CHD3: variants seen among roughly 807,000 people sequenced by gnomAD.
CHD3 encodes the protein chromodomain helicase DNA binding protein 3.
Under a neutral mutation model 248.9 loss-of-function variants are expected in CHD3, and 52 were observed. The observed-to-expected ratio is 0.21, with a 90% confidence interval of 0.17 to 0.26. The LOEUF is 0.26. CHD3 is among the 10% of genes least tolerant of loss of function. The probability of loss-of-function intolerance (pLI) is 1.00; values close to 1 mark genes in which losing one functional copy is unlikely to be tolerated. For synonymous variants in CHD3, 985 were observed against 985.2 expected (o/e 1.00, Z 0.00); for missense variants, 1,482 against 2,605.8 (o/e 0.57, Z 9.39).
chr17:7,896,375 T>C (rs1169790422), intron 10 of CHD3, among the ~76,000 whole-genome samples: 1 of 151,930 alleles, frequency 6.6e-6, no homozygotes, highest in African/African-American at 2.4e-5. Flanking sequence ...TTGACTCATT[T>C]ATCTCTAATC....
chr17:7,905,826 T>C lies in CHD3; in HGVS notation c.4225-30T>C, dbSNP rs1970858720. ...AAGACCTAAGAACCCTAGACATTTG[T>C]CGCCATTGCCTCCTTGCTCCCACCC... On this transcript the variant is annotated intron_variant, in intron 27 of 39. Coordinates refer to ENST00000330494, the MANE Select transcript of CHD3 (RefSeq NM_001005273.3). This position sits in a 1 kb window ranked among gnomAD's most constrained non-coding sequence, Gnocchi z 5.8. 6.2e-7 allele frequency: 1 copy of C among 1,614,050 alleles called. No individual in the cohort carries two copies. Among genetic ancestry groups the C allele is most frequent in the African/African-American group, 1.3e-5 (1 of 74,926 alleles).
chr17:7,904,625 G>A lies in CHD3; in HGVS notation c.4072+6G>A. ...TGCTGCTCAGGAAGACCAAGGTGAG[G>A]ACTGCCCCAGATGCAGGCAGTAAAG... On this transcript the variant is annotated splice_donor_region_variant and intron_variant, in intron 25 of 39. Coordinates refer to ENST00000330494, the MANE Select transcript of CHD3 (RefSeq NM_001005273.3). The surrounding 1 kb of genome is among the most constrained non-coding windows in gnomAD (Gnocchi z 4.4). 2 of 1,611,116 alleles carry A rather than the reference G, an allele frequency of 1.2e-6. No individual in the cohort carries two copies. The highest frequency in any genetic ancestry group is 1.7e-6 in the Non-Finnish European group (2 of 1,177,672).
chr17:7,906,526 C>T lies in CHD3; in HGVS notation c.4359-27C>T. The T allele has an allele frequency of 3.7e-6, 6 of 1,613,062 alleles. No individual in the cohort carries two copies. Among genetic ancestry groups the T allele is most frequent in the Non-Finnish European group, 5.1e-6 (6 of 1,179,746 alleles). On this transcript the variant is annotated intron_variant, in intron 28 of 39. Coordinates refer to ENST00000330494, the MANE Select transcript of CHD3 (RefSeq NM_001005273.3). This position sits in a 1 kb window ranked among gnomAD's most constrained non-coding sequence, Gnocchi z 5.0. ...TATACCCCTTCTGTGGCTCCCCTAA[C>T]CCTCCTCCCACTCCCATGCTCCTTA...
At position 7,909,550 on chromosome 17, in the gene CHD3, T is replaced by C; in HGVS notation, c.5590+212T>C. ...CAACCCTCATCCATGTCTGATAGCA[T>C]TCACATCCGTGCCCAATAGAGGGAC... On this transcript the variant is annotated intron_variant, in intron 37 of 39. Transcript: ENST00000330494. The surrounding 1 kb of genome is among the most constrained non-coding windows in gnomAD (Gnocchi z 8.1). 1 of 670,386 alleles carries C rather than the reference T, an allele frequency of 1.5e-6. No individual in the cohort carries two copies. The highest frequency in any genetic ancestry group is 2.4e-6 in the Non-Finnish European group (1 of 416,206). The allele number at this position is 670,386 out of a possible 1,614,324, so 41.5% of individuals were successfully genotyped here.
Position 7,911,471 on chromosome 17 carries a change from C to T in CHD3, c.5889C>T (p.Thr1963=). Residue 1963 remains threonine (T), a synonymous_variant, in exon 40 of 40, where the codon ACC becomes ACT. Transcript: ENST00000330494. This position sits in a 1 kb window ranked among gnomAD's most constrained non-coding sequence, Gnocchi z 5.4. ...TACCCCTTTCCCAAACAGCCGCCACCAACGGCCCTCCAGTGCTTGTGAAGA... is the reference window on the plus strand; with the variant it reads ...TACCCCTTTCCCAAACAGCCGCCACTAACGGCCCTCCAGTGCTTGTGAAGA... ...MPAGSFITAA[T]NGPPVLVKKE... 6.2e-7 allele frequency: 1 copy of T among 1,614,168 alleles called. No individual in the cohort carries two copies. Among genetic ancestry groups the T allele is most frequent in the Non-Finnish European group, 8.5e-7 (1 of 1,180,016 alleles).
chr17:7,885,307 C>CCCGCCGCCCCCCTCCCCCG (rs1967669801), upstream of CHD3: 1 of 157,218 alleles, frequency 6.4e-6, no homozygotes, highest in Admixed American at 7.6e-5. Context: ...GCACCCCTCC[C>CCCGCCGCCCCCCTCCCCCG]CCGCCGCCGC....
Position 7,906,499 on chromosome 17 carries a change from C to T in CHD3, c.4359-54C>T, listed in dbSNP as rs1422844446. ...GTCATCCTCGCGCCTCCCTCACTGC[C>T]CTATACCCCTTCTGTGGCTCCCCTA... On this transcript the variant is annotated intron_variant, in intron 28 of 39. Transcript: ENST00000330494. The surrounding 1 kb of genome is among the most constrained non-coding windows in gnomAD (Gnocchi z 5.0). 1.9e-6 allele frequency: 3 copies of T among 1,601,354 alleles called. No individual in the cohort carries two copies. Among genetic ancestry groups the T allele is most frequent in the Non-Finnish European group, 1.7e-6 (2 of 1,171,228 alleles).
chr17:7,907,059 G>C lies in CHD3; in HGVS notation c.4666+28G>C. On this transcript the variant is annotated intron_variant, in intron 30 of 39. Transcript: ENST00000330494. The surrounding 1 kb of genome is among the most constrained non-coding windows in gnomAD (Gnocchi z 4.3). ...AATCAGAAGTCAGGATGGTGGGAGA[G>C]ACAGAAAGGGAGCCAGGAGTCAGGG... 1 of 1,613,900 alleles carries C rather than the reference G, an allele frequency of 6.2e-7. No individual in the cohort carries two copies. Among genetic ancestry groups the C allele is most frequent in the South Asian group, 1.1e-5 (1 of 91,078 alleles).
At position 7,906,316 on chromosome 17, in the gene CHD3, G is replaced by A. The variant is rs1228661455; in HGVS notation, c.4359-237G>A. The A allele has an allele frequency of 3.0e-6, 2 of 676,994 alleles. No individual in the cohort carries two copies. Among genetic ancestry groups the A allele is most frequent in the Non-Finnish European group, 5.3e-6 (2 of 378,236 alleles). 41.9% of individuals were successfully genotyped at this position (676,994 alleles called of 1,614,324 possible). A position where few individuals can be genotyped will look rare whatever the true frequency, so the allele number is the denominator to read the frequency against. On this transcript the variant is annotated intron_variant, in intron 28 of 39. Transcript: ENST00000330494. This position sits in a 1 kb window ranked among gnomAD's most constrained non-coding sequence, Gnocchi z 5.0. ...TGGTGGAAAGGATGAAGAGCTGACT[G>A]ATGGGGCCCAGGAATTAAGTACCAA...
chr17:7,901,236 C>A lies in CHD3; in HGVS notation c.3121-8C>A, dbSNP rs375618387. On this transcript the variant is annotated splice_polypyrimidine_tract_variant and splice_region_variant and intron_variant, in intron 19 of 39. Transcript: ENST00000330494. The stretch of plus-strand genomic sequence containing the variant: ...ACCCCCTCCTCCTCCTCTCTCCTCC[C>A]TTTTCAGGAGTCCCCCAAACTCCCC... 8.2e-6 allele frequency: 13 copies of A among 1,593,320 alleles called. No individual in the cohort carries two copies. The highest frequency in any genetic ancestry group is 1.1e-5 in the Non-Finnish European group (13 of 1,168,018).
At chr17:7,892,290 G>C (rs1968983583) in intron 4 of CHD3, among the ~76,000 whole-genome samples, 1 of 152,178 alleles carries the variant, frequency 6.6e-6, no homozygotes, top group African/African-American at 2.4e-5. Flanking sequence ...TCCTACGGAA[G>C]CCCATCTTCA....
chr17:7,907,389 C>T lies in CHD3; in HGVS notation c.4825C>T (p.Arg1609Trp), dbSNP rs774463931. The T allele has an allele frequency of 9.3e-6, 15 of 1,607,840 alleles. No homozygotes were observed. Among genetic ancestry groups the T allele is most frequent in the Admixed American group, 6.7e-5 (4 of 59,434 alleles). Residue 1609 changes from arginine (R) to tryptophan (W), a missense_variant, in exon 32 of 40, where the codon CGG (arginine) becomes TGG (tryptophan). Arg to Trp is a moderately radical substitution (Grantham distance 101). Transcript: ENST00000330494. The surrounding 1 kb of genome is among the most constrained non-coding windows in gnomAD (Gnocchi z 4.3). Reference protein sequence around the residue: ...APSPAPSLGERLEPRKIPLED... With the variant: ...APSPAPSLGEWLEPRKIPLED... The stretch of plus-strand genomic sequence containing the variant: ...CAGCCCAGCCCCATCACTTGGGGAG[C>T]GGCTGGAGCCAAGGAAGATTCCTCT...
Position 7,901,331 on chromosome 17 carries a change from C to G in CHD3, c.3208C>G (p.Arg1070Gly), listed in dbSNP as rs1567857732. ...GKLMLLQKML[R>G]KLKEQGHRVL... The stretch of plus-strand genomic sequence containing the variant: ...GCTCATGCTGCTCCAGAAGATGCTG[C>G]GAAAGCTGAAGGAGCAAGGACACCG... The change falls in exon 20 of 40, where the codon CGA (arginine) becomes GGA (glycine). Residue 1070 changes from arginine to glycine, a missense_variant. Coordinates refer to ENST00000330494, the MANE Select transcript of CHD3 (RefSeq NM_001005273.3). 1.2e-6 allele frequency: 2 copies of G among 1,613,750 alleles called. No homozygotes were observed. Among genetic ancestry groups the G allele is most frequent in the Non-Finnish European group, 1.7e-6 (2 of 1,179,790 alleles).
chr17:7,909,958 A>G lies in CHD3; in HGVS notation c.5591-470A>G, dbSNP rs117801679. On this transcript the variant is annotated intron_variant, in intron 37 of 39. Coordinates refer to ENST00000330494, the MANE Select transcript of CHD3 (RefSeq NM_001005273.3). This position sits in a 1 kb window ranked among gnomAD's most constrained non-coding sequence, Gnocchi z 8.1. ...CTAATTCCTTGAATCTGTAATACTG[A>G]CCTTCTAACCTCCCTCTCCCCTTAC... 4,232 of 238,966 alleles carry G rather than the reference A, an allele frequency of 0.018. 54 individuals are homozygous for G. Among genetic ancestry groups the G allele is most frequent in the Middle Eastern group, 0.059 (36 of 606 alleles). The allele number at this position is 238,966 out of a possible 1,614,324, so 14.8% of individuals were successfully genotyped here. A position where few individuals can be genotyped will look rare whatever the true frequency, so the allele number is the denominator to read the frequency against.
In CHD3 at chr17:7,911,520, T is replaced by C. The variant is rs149507479; in HGVS notation, c.5938T>C (p.Leu1980=). The C allele has an allele frequency of 1.4e-5, 23 of 1,614,060 alleles. No individual in the cohort carries two copies. The highest frequency in any genetic ancestry group is 1.8e-5 in the Non-Finnish European group (21 of 1,180,032). ...VKKEKEMVGA[L]VSDGLDRKEP... is the part of the protein sequence containing the mutation. The stretch of plus-strand genomic sequence containing the variant: ...GAAGGAGAAGGAAATGGTGGGGGCA[T>C]TGGTGTCAGACGGGCTGGATCGGAA... The change falls in exon 40 of 40, where the codon TTG becomes CTG. Residue 1980 remains leucine, a synonymous_variant. Coordinates refer to ENST00000330494, the MANE Select transcript of CHD3 (RefSeq NM_001005273.3). This position sits in a 1 kb window ranked among gnomAD's most constrained non-coding sequence, Gnocchi z 5.4.
chr17:7,895,596 C>T lies in CHD3; in HGVS notation c.1707+54C>T. 1 of 1,476,392 alleles carries T rather than the reference C, an allele frequency of 6.8e-7. No homozygotes were observed. The highest frequency in any genetic ancestry group is 9.4e-7 in the Non-Finnish European group (1 of 1,059,388). 91.5% of individuals were successfully genotyped at this position (1,476,392 alleles called of 1,614,324 possible). ...CCATGACCTCATTTCCTGCCATCCT[C>T]TCCCTCTCTTACTCCTCTGTTTGTT... On this transcript the variant is annotated intron_variant, in intron 10 of 39. Transcript: ENST00000330494. This position sits in a 1 kb window ranked among gnomAD's most constrained non-coding sequence, Gnocchi z 4.9.
In CHD3 at chr17:7,904,219, T is replaced by A; in HGVS notation, c.3895-223T>A. On this transcript the variant is annotated intron_variant, in intron 24 of 39. Transcript: ENST00000330494. The surrounding 1 kb of genome is among the most constrained non-coding windows in gnomAD (Gnocchi z 4.4). ...CTGAGACAGTGCAGGAGAAACACTG[T>A]CAGAGGGATTAGAGGAGAGATTTAG... 1.6e-6 allele frequency: 1 copy of A among 621,044 alleles called. No homozygotes were observed. The allele number at this position is 621,044 out of a possible 1,614,324, so 38.5% of individuals were successfully genotyped here.
Position 7,910,863 on chromosome 17 carries a change from C to G in CHD3, c.5771C>G (p.Pro1924Arg). ...CTGTTCCAGGCCTACCCGCCGGGTC[C>G]CTACGCTACACCTCCGGGGTACGGG... ...PHPTPAYPPG[P>R]YATPPGYGAA... is the part of the protein sequence containing the mutation. The change falls in exon 39 of 40, where the codon CCC becomes CGC. Residue 1924 changes from proline to arginine, a missense_variant. This residue lies in a region of CHD3 where 117 missense variants were observed against 137.2 expected (regional missense o/e 0.85). Transcript: ENST00000330494. The surrounding 1 kb of genome is among the most constrained non-coding windows in gnomAD (Gnocchi z 4.7). 1 of 1,607,486 alleles carries G rather than the reference C, an allele frequency of 6.2e-7. No individual in the cohort carries two copies. The highest frequency in any genetic ancestry group is 2.2e-5 in the East Asian group (1 of 44,832).
chr17:7,896,593 C>T (rs559100132), intron 10 of CHD3, among the ~76,000 whole-genome samples: 31 of 150,788 alleles, frequency 2.1e-4, no homozygotes, highest in African/African-American at 6.8e-4. Context: ...TTAGTAGAGA[C>T]GGGGTTTCTC....
Sources: allele counts gnomAD v4.1 joint callset (sites outside exome capture counted in the v4.1 genomes callset), GRCh38; gene constraint gnomAD v4.1.1; regional missense constraint gnomAD v4.1.1; non-coding constraint Gnocchi (gnomAD v3.1); transcripts MANE v1.5; gene names NCBI Gene and HGNC (gene_info 2026-07-23, HGNC 2026-07-21).